The following SPTLC2 variants were observed in gnomAD, a reference collection of about 807,000 sequenced individuals.
SPTLC2 encodes the protein serine palmitoyltransferase 2.
Under a neutral mutation model 62.0 loss-of-function variants are expected in SPTLC2, and 21 were observed. The observed-to-expected ratio is 0.34, with a 90% CI of 0.24 to 0.49. The LOEUF (loss-of-function observed/expected upper bound fraction) is 0.49. Among genes scored for constraint, SPTLC2 ranks in the 20% least tolerant of loss-of-function variants. The pLI is 0.99. For missense variants in SPTLC2, 511 were observed against 713.0 expected, an observed-to-expected ratio of 0.72 and a Z score of 3.23; for synonymous variants, 261 against 261.8, an observed-to-expected ratio of 1.00 and a Z score of 0.03.
At chr14:77,561,027 G>GAA (rs35922322) in intron 6 of SPTLC2, among the ~76,000 whole-genome samples, 193 of 149,484 alleles carry the variant, frequency 1.3e-3, no homozygotes, top group Middle Eastern at 3.4e-3. Context: ...AAATAAAAGT[G>GAA]AAAAAAAAAA....
intron 2 of SPTLC2, among the ~76,000 whole-genome samples, chr14:77,581,282 C>G (rs1351041878): frequency 6.6e-6 from 1 of 152,128 alleles, no homozygotes; most frequent in African/African-American, 2.4e-5. Context: ...AAATTAACAA[C>G]TTTCTATGAC....
chr14:77,555,025 G>A (rs1312348992), intron 8 of SPTLC2: 7 of 447,690 alleles, frequency 1.6e-5, no homozygotes, highest in Non-Finnish European at 2.9e-5. Flanking sequence ...CGGGCAGGGA[G>A]CACCACTGTG....
intron 1 of SPTLC2, among the ~76,000 whole-genome samples, chr14:77,602,981 A>AT (rs1200552187): frequency 6.6e-6 from 1 of 152,186 alleles, no homozygotes; most frequent in Non-Finnish European, 1.5e-5. Context: ...TTTCAGGAAA[A>AT]TTTTTTAAAA....
Position 77,576,788 on chromosome 14 carries a change from A to C in SPTLC2, c.610T>G (p.Cys204Gly), listed in dbSNP as rs781167120. 5.0e-6 allele frequency: 8 copies of C among 1,614,106 alleles called. No individual in the cohort carries two copies. The highest frequency in any genetic ancestry group is 2.5e-6 in the Non-Finnish European group (3 of 1,180,052). The change falls in exon 4 of 12, where the codon TGC becomes GGC. Residue 204 changes from cysteine to glycine, a missense_variant. By Grantham distance (159) the Cys-to-Gly change is radical. Coordinates refer to ENST00000216484, the MANE Select transcript of SPTLC2 (RefSeq NM_004863.4). The stretch of plus-strand genomic sequence containing the variant: ...TTACCAATTTCCTGCCGAGTACTGC[A>C]CACTCCAGCTCCATACTCCTCAAGG... ...KVLEEYGAGV[C>G]STRQEIGNLD...
intron 8 of SPTLC2, among the ~76,000 whole-genome samples, chr14:77,554,082 T>C (rs1412722483): frequency 2.6e-5 from 4 of 152,224 alleles, no homozygotes; most frequent in Admixed American, 2.0e-4. Context: ...CCTCTCAAAG[T>C]GCTGGGATTA....
intron 6 of SPTLC2, among the ~76,000 whole-genome samples, chr14:77,557,809 GCT>G (rs2079592998): frequency 6.6e-6 from 1 of 152,100 alleles, no homozygotes; most frequent in Non-Finnish European, 1.5e-5. Context: ...AGTTCTTGTG[GCT>G]CTGTTGGTTC....
intron 2 of SPTLC2, among the ~76,000 whole-genome samples, chr14:77,587,900 G>T (rs1447988318): frequency 6.6e-6 from 1 of 151,086 alleles, no homozygotes; most frequent in African/African-American, 2.4e-5. Flanking sequence ...AATCTATAAC[G>T]TTTTGAATTT....
At chr14:77,538,992 T>A (rs2079485168) in intron 9 of SPTLC2, among the ~76,000 whole-genome samples, 1 of 151,798 alleles carries the variant, frequency 6.6e-6, no homozygotes, top group South Asian at 2.1e-4. Flanking sequence ...ATCTGCAAAA[T>A]GGGAATGGCA....
chr14:77,581,405 C>CTT lies in SPTLC2; in HGVS notation c.328-2298_328-2297dup, dbSNP rs1159561282. ...ATTTGCAGTACCTGATACCATCTCTCTTTTTTTTTTTTTTTTTTTTTTGAG... is the reference window on the plus strand; with the variant it reads ...ATTTGCAGTACCTGATACCATCTCTCTTTTTTTTTTTTTTTTTTTTTTTTGAG... On this transcript the variant is annotated intron_variant, in intron 2 of 11. Coordinates refer to ENST00000216484, the MANE Select transcript of SPTLC2 (RefSeq NM_004863.4). Among the ~76,000 whole-genome samples, 333 of 93,992 alleles carry CTT rather than the reference C, an allele frequency of 3.5e-3. 10 individuals carry two copies. The highest frequency in any genetic ancestry group is 7.4e-3 in the African/African-American group (185 of 25,036). The allele number at this position is 93,992 out of a possible 152,430, so 61.7% of individuals were successfully genotyped here.
At chr14:77,541,201 G>C (rs1471910634) in intron 9 of SPTLC2, among the ~76,000 whole-genome samples, 1 of 146,982 alleles carries the variant, frequency 6.8e-6, no homozygotes, top group African/African-American at 2.6e-5. Flanking sequence ...GGTAATTTTT[G>C]TATTTTATTT....
At chr14:77,573,238 G>C (rs1221040204) in intron 4 of SPTLC2, among the ~76,000 whole-genome samples, 1 of 152,126 alleles carries the variant, frequency 6.6e-6, no homozygotes, top group Non-Finnish European at 1.5e-5. Flanking sequence ...TACAAATATA[G>C]AGTTAGAAGA....
chr14:77,574,234 G>A (rs1456108238), intron 4 of SPTLC2, among the ~76,000 whole-genome samples: 1 of 152,134 alleles, frequency 6.6e-6, no homozygotes, highest in Non-Finnish European at 1.5e-5. Flanking sequence ...CTTATAGAGT[G>A]GAATCCTTTG....
rs772404684 is a variant in SPTLC2 at position 77,521,508 on chromosome 14, G to T, written c.1377C>A (p.Ile459=). Reference sequence around the variant, plus strand: ...CTGGAGAGTCTTCATTTCCATAGATGATGAAGCCCATCTCTTTCAGGCGTC... The same window carrying T: ...CTGGAGAGTCTTCATTTCCATAGATTATGAAGCCCATCTCTTTCAGGCGTC... ...FRRRLKEMGF[I]IYGNEDSPVV... is the part of the protein sequence containing the mutation. The change falls in exon 10 of 12, where the codon ATC becomes ATA. Residue 459 remains isoleucine (I), a synonymous_variant. Coordinates refer to ENST00000216484, the MANE Select transcript of SPTLC2 (RefSeq NM_004863.4). 3 of 1,613,832 alleles carry T rather than the reference G, an allele frequency of 1.9e-6. No individual in the cohort carries two copies. Among genetic ancestry groups the T allele is most frequent in the East Asian group, 2.2e-5 (1 of 44,882 alleles).
At chr14:77,539,995 T>G (rs578065720) in intron 9 of SPTLC2, among the ~76,000 whole-genome samples, 150 of 152,078 alleles carry the variant, frequency 9.9e-4, no homozygotes, top group Middle Eastern at 6.8e-3. Context: ...TCGGGAGTTC[T>G]AGACCAGCCT....
chr14:77,548,164 T>C (rs2079539217), intron 9 of SPTLC2, among the ~76,000 whole-genome samples: 1 of 152,106 alleles, frequency 6.6e-6, no homozygotes, highest in Admixed American at 6.6e-5. Flanking sequence ...AAAATGTACC[T>C]ATCTAGTTAA....
chr14:77,536,752 T>G (rs2079473186), intron 9 of SPTLC2, among the ~76,000 whole-genome samples: 1 of 152,206 alleles, frequency 6.6e-6, no homozygotes, highest in Non-Finnish European at 1.5e-5. Flanking sequence ...AGAGCTCTAT[T>G]TCTTTTTCTA....
chr14:77,586,068 TTTC>T (rs1026587884), intron 2 of SPTLC2, among the ~76,000 whole-genome samples: 14 of 103,636 alleles, frequency 1.4e-4, no homozygotes, highest in African/African-American at 4.3e-4. Context: ...TGATAAATTT[TTTC>T]TTTTTTCTTT....
chr14:77,559,137 T>C (rs978041832), intron 6 of SPTLC2, among the ~76,000 whole-genome samples: 2 of 152,018 alleles, frequency 1.3e-5, no homozygotes, highest in Admixed American at 1.3e-4. Flanking sequence ...CTGACCAACA[T>C]GGCAAAACCC....
intron 9 of SPTLC2, among the ~76,000 whole-genome samples, chr14:77,548,476 C>G (rs1047568467): frequency 6.6e-6 from 1 of 152,214 alleles, no homozygotes; most frequent in Non-Finnish European, 1.5e-5. Context: ...TATGTAGATA[C>G]TACAGCTAAA....
Sources: allele counts gnomAD v4.1 joint callset (sites outside exome capture counted in the v4.1 genomes callset), GRCh38; gene constraint gnomAD v4.1.1; transcripts MANE v1.5; gene names NCBI Gene and HGNC (gene_info 2026-07-23, HGNC 2026-07-21).